Variants in STAT3 observed in about 807,000 individuals in gnomAD.
The protein encoded by STAT3 is signal transducer and activator of transcription 3, also known as DNA-binding protein APRF.
Under a neutral mutation model 114.3 loss-of-function variants are expected in STAT3, and 7 were observed. The observed-to-expected ratio is 0.06, with a 90% CI of 0.03 to 0.11. STAT3 has a LOEUF of 0.11. Ranked by LOEUF, STAT3 falls within the 10% of genes least tolerant of loss-of-function variation. The probability of loss-of-function intolerance (pLI) is 1.00; values close to 1 mark genes in which losing one functional copy is unlikely to be tolerated. For synonymous variants in STAT3, 331 were observed against 354.5 expected (o/e 0.93, Z 0.74); for missense variants, 364 against 960.9 (o/e 0.38, Z 8.21).
chr17:42,325,739 A>AT (rs1294284608), intron 15 of STAT3, among the ~76,000 whole-genome samples: 3 of 151,854 alleles, frequency 2.0e-5, no homozygotes, highest in African/African-American at 7.2e-5. Context: ...TAATTTTTGT[A>AT]TTTTAGTAGA....
At chr17:42,340,666 G>A (rs1435517245) in intron 4 of STAT3, among the ~76,000 whole-genome samples, 1 of 152,038 alleles carries the variant, frequency 6.6e-6, no homozygotes, top group Non-Finnish European at 1.5e-5. Flanking sequence ...CCTTTCCCAT[G>A]GTCCCTATCC....
intron 1 of STAT3, among the ~76,000 whole-genome samples, chr17:42,352,459 G>A (rs562515798): frequency 1.3e-5 from 2 of 152,226 alleles, no homozygotes; most frequent in African/African-American, 2.4e-5. Flanking sequence ...AGTGGCTGAC[G>A]TGCATACTAT....
Position 42,387,428 on chromosome 17 carries a change from T to C in STAT3, c.-24+851A>G, listed in dbSNP as rs1170230511. The C allele has an allele frequency of 3.3e-5, 5 of 152,178 alleles. 1 individual carries two copies. Among genetic ancestry groups the C allele is most frequent in the African/African-American group, 2.4e-5 (1 of 41,430 alleles). 9.4% of individuals were successfully genotyped at this position (152,178 alleles called of 1,614,324 possible). A position where few individuals can be genotyped will look rare whatever the true frequency, so the allele number is the denominator to read the frequency against. The stretch of plus-strand genomic sequence containing the variant: ...TGAGACAGAAAACTCCCACTCTCAA[T>C]TGGTTCATTCCGTCCTATGCAATTA... On this transcript the variant is annotated intron_variant, in intron 1 of 23. Transcript: ENST00000264657.
chr17:42,323,494 G>C, intron 18 of STAT3, 79 bp downstream of exon 18: 1 of 1,573,270 alleles, frequency 6.4e-7, no homozygotes, highest in South Asian at 1.1e-5. Context: ...AGAGTTCAGG[G>C]CCTTCAAGCC....
chr17:42,314,547 C>A lies in STAT3; in HGVS notation c.*1198G>T, dbSNP rs991718184. 3.0e-5 allele frequency: 7 copies of A among 232,814 alleles called. No individual in the cohort carries two copies. Among genetic ancestry groups the A allele is most frequent in the African/African-American group, 2.2e-5 (1 of 45,256 alleles). 14.4% of individuals were successfully genotyped at this position (232,814 alleles called of 1,614,324 possible). A position where few individuals can be genotyped will look rare whatever the true frequency, so the allele number is the denominator to read the frequency against. On this transcript the variant is annotated 3_prime_UTR_variant, in exon 24 of 24. Transcript: ENST00000264657. ...AGCCCTGATAAGGCACCCACAGAAACAACCTAGCCTCTGAAACAGCAGATC... is the reference window on the plus strand; with the variant it reads ...AGCCCTGATAAGGCACCCACAGAAAAAACCTAGCCTCTGAAACAGCAGATC...
At chr17:42,385,177 C>T (rs1024029835) in intron 1 of STAT3, among the ~76,000 whole-genome samples, 2 of 152,114 alleles carry the variant, frequency 1.3e-5, no homozygotes, top group Non-Finnish European at 2.9e-5. Context: ...CAAGATACAA[C>T]TTATTCTTCA....
At position 42,315,400 on chromosome 17, in the gene STAT3, CAACAAT is replaced by C; in HGVS notation, c.*339_*344del. Reference sequence around the variant, plus strand: ...GGAGGCACTTGTCTAAGAACAACAACAACAATAACAAAAAGCTGCTGAGAAAGGAGG... The same window carrying C: ...GGAGGCACTTGTCTAAGAACAACAACAACAAAAAGCTGCTGAGAAAGGAGG... On this transcript the variant is annotated 3_prime_UTR_variant, in exon 24 of 24. Transcript: ENST00000264657. 1 of 465,096 alleles carries C rather than the reference CAACAAT, an allele frequency of 2.2e-6. No individual in the cohort carries two copies. Among genetic ancestry groups the C allele is most frequent in the Non-Finnish European group, 4.0e-6 (1 of 252,714 alleles). 28.8% of individuals were successfully genotyped at this position (465,096 alleles called of 1,614,324 possible).
intron 1 of STAT3, among the ~76,000 whole-genome samples, chr17:42,355,862 T>A (rs1266855101): frequency 6.6e-6 from 1 of 152,130 alleles, no homozygotes; most frequent in Admixed American, 6.6e-5. Flanking sequence ...GTACTTCACA[T>A]CCATGCACTA....
Position 42,326,111 on chromosome 17 carries a change from C to T in STAT3, c.1365+5G>A, listed in dbSNP as rs1188364787. 7 of 1,613,950 alleles carry T rather than the reference C, an allele frequency of 4.3e-6. No individual in the cohort carries two copies. Among genetic ancestry groups the T allele is most frequent in the Non-Finnish European group, 5.9e-6 (7 of 1,179,840 alleles). On this transcript the variant is annotated splice_donor_5th_base_variant and intron_variant, in intron 15 of 23. Transcript: ENST00000264657. ...GCCTCTCACCGATTCTGCTGCAGAACTTACCTCTAGGTCAATCTTGAGGCC... is the reference window on the plus strand; with the variant it reads ...GCCTCTCACCGATTCTGCTGCAGAATTTACCTCTAGGTCAATCTTGAGGCC...
At position 42,333,587 on chromosome 17, in the gene STAT3, G is replaced by C. The variant is rs1369834271; in HGVS notation, c.1049+86C>G. On this transcript the variant is annotated intron_variant, in intron 10 of 23. Transcript: ENST00000264657. The surrounding 1 kb of genome is among the most constrained non-coding windows in gnomAD (Gnocchi z 5.2). ...CTGCCTGTGACACCACACCTGGAAA[G>C]AATGACCCTGGCCACCAACTCTACC... The C allele has an allele frequency of 4.1e-6, 6 of 1,481,448 alleles. No homozygotes were observed. In the Admixed American group the frequency reaches 1.0e-4, roughly 26 times the overall value. The allele number at this position is 1,481,448 out of a possible 1,614,324, so 91.8% of individuals were successfully genotyped here.
intron 10 of STAT3, 103 bp from the exon 11 acceptor site, chr17:42,331,634 A>C: frequency 2.1e-6 from 2 of 956,318 alleles, no homozygotes. Flanking sequence ...CAACAGGTAA[A>C]TAGGCCAAGC....
At chr17:42,352,886 A>G (rs2083039526) in intron 1 of STAT3, among the ~76,000 whole-genome samples, 1 of 152,204 alleles carries the variant, frequency 6.6e-6, no homozygotes, top group Non-Finnish European at 1.5e-5. Flanking sequence ...CTATGCTGTC[A>G]ATATAAAATA....
intron 1 of STAT3, among the ~76,000 whole-genome samples, chr17:42,381,204 A>G (rs1296397442): frequency 6.6e-6 from 1 of 152,188 alleles, no homozygotes; most frequent in Non-Finnish European, 1.5e-5. Context: ...CAAACATACC[A>G]ACCAAGTGTT....
intron 1 of STAT3, among the ~76,000 whole-genome samples, chr17:42,349,104 T>C (rs1211244810): frequency 1.3e-5 from 2 of 152,080 alleles, no homozygotes; most frequent in Admixed American, 1.3e-4. Flanking sequence ...GCTCAAGTCA[T>C]CCTCCTGCCT....
intron 14 of STAT3, among the ~76,000 whole-genome samples, chr17:42,329,033 G>A (rs1023063484): frequency 1.3e-5 from 2 of 152,118 alleles, no homozygotes; most frequent in African/African-American, 4.8e-5. Context: ...CACCTCAGTG[G>A]GAGAGAAAAA....
chr17:42,374,796 A>ATCT (rs1264628383), intron 1 of STAT3, among the ~76,000 whole-genome samples: 3 of 152,166 alleles, frequency 2.0e-5, no homozygotes, highest in Admixed American at 2.0e-4. Flanking sequence ...CAAACTTGGA[A>ATCT]TCTTCAAACT....
chr17:42,376,150 C>CA (rs35901220), intron 1 of STAT3, among the ~76,000 whole-genome samples: 82,850 of 147,944 alleles, frequency 0.56, 24,619 homozygotes, highest in Admixed American at 0.71. Flanking sequence ...GACTCCGTCT[C>CA]AAAAAAAAAA....
intron 11 of STAT3, among the ~76,000 whole-genome samples, chr17:42,330,901 AC>A (rs2081985470): frequency 6.6e-6 from 1 of 152,236 alleles, no homozygotes; most frequent in Non-Finnish European, 1.5e-5. Flanking sequence ...GTTTCGGTCA[AC>A]AACAAAATGC....
intron 1 of STAT3, among the ~76,000 whole-genome samples, chr17:42,350,454 T>A (rs555096820): frequency 4.4e-4 from 67 of 152,164 alleles, no homozygotes; most frequent in South Asian, 8.3e-4. Context: ...CTAATTTTTT[T>A]AAAAAAATTT....
Sources: allele counts gnomAD v4.1 joint callset (sites outside exome capture counted in the v4.1 genomes callset), GRCh38; gene constraint gnomAD v4.1.1; non-coding constraint Gnocchi (gnomAD v3.1); transcripts MANE v1.5; gene names NCBI Gene and HGNC (gene_info 2026-07-23, HGNC 2026-07-21).